The following TBC1D1 variants were observed in gnomAD, a reference collection of about 807,000 sequenced individuals.
TBC1D1 encodes the protein TBC1 (tre-2/USP6, BUB2, cdc16) domain family, member 1.
TBC1D1 carries 89 observed loss-of-function variants against 125.6 expected under a neutral mutation model. The ratio of observed to expected loss-of-function variants is 0.71; its 90% CI spans 0.60 to 0.85. The LOEUF (loss-of-function observed/expected upper bound fraction) is 0.85. Ranked by LOEUF, TBC1D1 falls within the 40% of genes least tolerant of loss-of-function variation. TBC1D1 has a pLI of 0.00. For synonymous variants in TBC1D1, 565 were observed against 564.1 expected, an observed-to-expected ratio of 1.00 and a Z score of -0.02; for missense variants, 1,377 against 1,469.2, an observed-to-expected ratio of 0.94 and a Z score of 1.03.
At chr4:38,035,560 A>T in intron 7 of TBC1D1, 28 bp from the exon 8 acceptor site, 3 of 1,572,980 alleles carry the variant, frequency 1.9e-6, no homozygotes, top group Non-Finnish European at 8.7e-7. Context: ...ATTAAAAATA[A>T]ATCCTGTTTC....
At chr4:38,053,905 C>G (rs547135343) in intron 11 of TBC1D1, among the ~76,000 whole-genome samples, 2 of 152,290 alleles carry the variant, frequency 1.3e-5, no homozygotes, top group East Asian at 3.9e-4. Context: ...ATCAAAGTGG[C>G]ACCAAGAGAG....
chr4:38,108,399 A>C (rs967586709), intron 15 of TBC1D1, among the ~76,000 whole-genome samples: 14 of 152,234 alleles, frequency 9.2e-5, no homozygotes, highest in African/African-American at 3.4e-4. Flanking sequence ...GCACCATTAG[A>C]TCAGAAAGCA....
intron 2 of TBC1D1, among the ~76,000 whole-genome samples, chr4:37,915,245 TAGTC>T (rs1001506290): frequency 1.3e-4 from 20 of 152,214 alleles, no homozygotes; most frequent in African/African-American, 4.8e-4. Flanking sequence ...GCTCCTGTAT[TAGTC>T]AGCATTCTCC....
At position 38,045,912 on chromosome 4, in the gene TBC1D1, A is replaced by G. The variant is rs759945960; in HGVS notation, c.1629+9A>G. The G allele has an allele frequency of 1.3e-5, 21 of 1,611,410 alleles. No homozygotes were observed. The highest frequency in any genetic ancestry group is 1.7e-5 in the Admixed American group (1 of 59,998). ...TAAGTAACACCAGCAAAGTAAGCACATTTCTCTTTATACGACACCCTGAAG... is the reference window on the plus strand; with the variant it reads ...TAAGTAACACCAGCAAAGTAAGCACGTTTCTCTTTATACGACACCCTGAAG... On this transcript the variant is annotated intron_variant, in intron 10 of 19. Transcript: ENST00000261439.
chr4:37,892,646 T>G (rs748982859), intron 1 of TBC1D1, among the ~76,000 whole-genome samples: 8 of 152,206 alleles, frequency 5.3e-5, no homozygotes, highest in Non-Finnish European at 1.0e-4. Context: ...CATTACGTTT[T>G]CAAAGGAAAA....
intron 2 of TBC1D1, among the ~76,000 whole-genome samples, chr4:37,947,453 G>A (rs951692210): frequency 6.6e-6 from 1 of 151,754 alleles, no homozygotes; most frequent in Non-Finnish European, 1.5e-5. Context: ...CACCATGCCC[G>A]GCCTATTTAT....
chr4:37,910,076 T>C (rs1718264685), intron 2 of TBC1D1, among the ~76,000 whole-genome samples: 1 of 152,266 alleles, frequency 6.6e-6, no homozygotes, highest in Admixed American at 6.5e-5. Context: ...TCCAGAAGCA[T>C]ACACCTTGTG....
At chr4:37,961,953 T>G (rs778710637) in intron 2 of TBC1D1, among the ~76,000 whole-genome samples, 1 of 152,222 alleles carries the variant, frequency 6.6e-6, no homozygotes, top group Non-Finnish European at 1.5e-5. Context: ...CCATTTTGAT[T>G]TTTGCTTCCA....
At chr4:38,102,869 A>T in intron 14 of TBC1D1, 130 bp from the exon 17 acceptor site, 1 of 1,084,276 alleles carries the variant, frequency 9.2e-7, no homozygotes, top group Non-Finnish European at 1.3e-6. Context: ...TGACAAAGCC[A>T]GACTCTGTCT....
At chr4:38,061,477 T>C (rs191099614) in intron 12 of TBC1D1, among the ~76,000 whole-genome samples, 2 of 152,334 alleles carry the variant, frequency 1.3e-5, no homozygotes, top group Admixed American at 1.3e-4. Context: ...GGGAACAATA[T>C]TAAATTTAGT....
intron 2 of TBC1D1, among the ~76,000 whole-genome samples, chr4:37,922,103 C>T (rs566994579): frequency 3.6e-4 from 54 of 152,038 alleles, no homozygotes; most frequent in Non-Finnish European, 6.2e-4. Flanking sequence ...TCCTTTTTAC[C>T]TCCCCTGTCT....
At chr4:38,085,103 C>CA (rs1391906194) in intron 12 of TBC1D1, among the ~76,000 whole-genome samples, 1 of 152,220 alleles carries the variant, frequency 6.6e-6, no homozygotes, top group East Asian at 1.9e-4. Context: ...CTCTTCCCCA[C>CA]ACATTTGTGT....
intron 18 of TBC1D1, 23 bp downstream of exon 20, chr4:38,125,154 C>T (rs1242595067): frequency 6.2e-7 from 1 of 1,609,958 alleles, no homozygotes; most frequent in Non-Finnish European, 8.5e-7. Context: ...CCAAACCTTG[C>T]AAATGCTTAA....
chr4:37,999,493 A>G (rs1738550966), intron 2 of TBC1D1, among the ~76,000 whole-genome samples: 1 of 152,242 alleles, frequency 6.6e-6, no homozygotes. Context: ...AAGTACACAG[A>G]AACGAATCAA....
intron 13 of TBC1D1, among the ~76,000 whole-genome samples, chr4:38,092,922 C>G (rs2152542214): frequency 1.3e-5 from 2 of 152,072 alleles, no homozygotes; most frequent in Middle Eastern, 6.8e-3. Context: ...TACTGATTAA[C>G]CTAATGTGCA....
At position 38,023,495 on chromosome 4, in the gene TBC1D1, C is replaced by T. The variant is rs112008671; in HGVS notation, c.1210+1777C>T. 5.3e-5 allele frequency among the ~76,000 whole-genome samples: 8 copies of T among 152,306 alleles called. No individual in the cohort carries two copies. The South Asian group carries it at 1.2e-3, about 24-fold the overall frequency. ...ACTGAAGCTCATTAAATGCCAACTCCGCTCCTTCTCAGCCTCTGGCAACAT... is the reference window on the plus strand; with the variant it reads ...ACTGAAGCTCATTAAATGCCAACTCTGCTCCTTCTCAGCCTCTGGCAACAT... On this transcript the variant is annotated intron_variant, in intron 6 of 19. Transcript: ENST00000261439.
Position 38,020,634 on chromosome 4 carries a change from C to G in TBC1D1, c.1016C>G (p.Ser339Cys). Residue 339 changes from serine (S) to cysteine (C), a missense_variant, in exon 5 of 20, where the codon TCT (serine) becomes TGT (cysteine). By Grantham distance (112) the Ser-to-Cys change is moderately radical. This residue lies in a region of TBC1D1 where 822 missense variants were observed against 824.6 expected (regional missense o/e 1.00). Transcript: ENST00000261439. ...CACTTTGGGTTTATCTGTCGGGAGT[C>G]TTCCGGAGGTGGCGGCTTTCATTTT... 6.2e-7 allele frequency: 1 copy of G among 1,613,392 alleles called. No homozygotes were observed. Among genetic ancestry groups the G allele is most frequent in the East Asian group, 2.2e-5 (1 of 44,818 alleles).
At chr4:38,057,850 A>T (rs1752015106) in intron 12 of TBC1D1, among the ~76,000 whole-genome samples, 1 of 152,140 alleles carries the variant, frequency 6.6e-6, no homozygotes, top group Admixed American at 6.5e-5. Context: ...CAGAGGCAGG[A>T]CCTGAGCTCG....
At chr4:37,894,234 G>A (rs1160578393) in intron 1 of TBC1D1, among the ~76,000 whole-genome samples, 6 of 152,162 alleles carry the variant, frequency 3.9e-5, no homozygotes, top group South Asian at 2.1e-4. Flanking sequence ...TGATCCACCC[G>A]CCTTGGCCTC....
Sources: gnomAD v4.1 joint callset for allele counts (sites outside exome capture counted in the v4.1 genomes callset) on GRCh38, gnomAD v4.1.1 for gene constraint, gnomAD v4.1.1 regional missense constraint, MANE v1.5 for transcripts, NCBI Gene and HGNC (gene_info 2026-07-23, HGNC 2026-07-21) for gene names.